KIF3A: variants seen among roughly 807,000 people sequenced by gnomAD.
The protein encoded by KIF3A is kinesin family member 3A, also known as kinesin-like protein KIF3A.
Under a neutral mutation model 92.6 loss-of-function variants are expected in KIF3A, and 27 were observed. The observed-to-expected ratio is 0.29, with a 90% CI of 0.21 to 0.40. The LOEUF is 0.40. KIF3A is among the 10% of genes least tolerant of loss of function. KIF3A has a pLI of 1.00. For missense variants in KIF3A, 581 were observed against 872.6 expected (o/e 0.67, Z 4.21); for synonymous variants, 250 against 275.4 (o/e 0.91, Z 0.92).
chr5:132,695,506 G>A lies in KIF3A; in HGVS notation c.*1128C>T, dbSNP rs188906842. ...ATAACTTTAAAAAAATACAATAAAAGTTTCATAAGCAGCTAACAACAGAAA... is the reference window on the plus strand; with the variant it reads ...ATAACTTTAAAAAAATACAATAAAAATTTCATAAGCAGCTAACAACAGAAA... On this transcript the variant is annotated 3_prime_UTR_variant, in exon 19 of 19. Transcript: ENST00000403231. 3 of 152,190 alleles carry A rather than the reference G, an allele frequency of 2.0e-5. No individual in the cohort carries two copies. The highest frequency in any genetic ancestry group is 4.4e-5 in the Non-Finnish European group (3 of 67,988). The allele number at this position is 152,190 out of a possible 1,614,324, so 9.4% of individuals were successfully genotyped here. A position where few individuals can be genotyped will look rare whatever the true frequency, so the allele number is the denominator to read the frequency against.
In KIF3A at chr5:132,713,884, ACTTT is replaced by A. The variant is rs1251414023; in HGVS notation, c.1129+1869_1129+1872del. On this transcript the variant is annotated intron_variant, in intron 8 of 18. Coordinates refer to ENST00000403231, the MANE Select transcript of KIF3A (RefSeq NM_001300791.2). The stretch of plus-strand genomic sequence containing the variant: ...CACAAAAAGACAAATGCTGTATTTC[ACTTT>A]CTTTTTTTTTTTTTTTTTTTTTTTT... 5.7e-4 allele frequency among the ~76,000 whole-genome samples: 80 copies of A among 139,906 alleles called. 1 individual carries two copies. The East Asian group carries it at 0.016, about 28-fold the overall frequency. The allele number at this position is 139,906 out of a possible 152,430, so 91.8% of individuals were successfully genotyped here.
chr5:132,723,047 G>A (rs920042412), intron 4 of KIF3A: 1 of 152,140 alleles, frequency 6.6e-6, no homozygotes, highest in Non-Finnish European at 1.5e-5. Flanking sequence ...TGTCACATAT[G>A]AGTTTTATTT....
Position 132,700,635 on chromosome 5 carries a change from G to T in KIF3A, c.1938+12C>A. The stretch of plus-strand genomic sequence containing the variant: ...TTTAATTATTACGTGAAAGAATGAA[G>T]GTAATACTCACTAGCTGCCATTCTC... On this transcript the variant is annotated intron_variant, in intron 16 of 18. Transcript: ENST00000403231. 6.5e-7 allele frequency: 1 copy of T among 1,532,864 alleles called. No individual in the cohort carries two copies. The highest frequency in any genetic ancestry group is 9.0e-7 in the Non-Finnish European group (1 of 1,106,728). 95.0% of individuals were successfully genotyped at this position (1,532,864 alleles called of 1,614,324 possible).
intron 4 of KIF3A, among the ~76,000 whole-genome samples, chr5:132,724,066 T>C (rs1182603998): frequency 6.6e-6 from 1 of 152,092 alleles, no homozygotes; most frequent in Non-Finnish European, 1.5e-5. Flanking sequence ...TCATCACTGG[T>C]CATCAGAGAA....
chr5:132,737,317 C>G, intron 1 of KIF3A, 97 bp downstream of exon 1: 1 of 1,394,282 alleles, frequency 7.2e-7, no homozygotes. Flanking sequence ...CCCACCCAGG[C>G]CGCCTGCCGG....
chr5:132,722,305 T>C (rs1041686397), intron 4 of KIF3A, among the ~76,000 whole-genome samples: 112 of 152,294 alleles, frequency 7.4e-4, no homozygotes, highest in African/African-American at 2.6e-3. Flanking sequence ...AAAAACTGGA[T>C]GGAAATGCTA....
chr5:132,721,331 A>G (rs553067470), intron 4 of KIF3A: 3 of 152,300 alleles, frequency 2.0e-5, no homozygotes, highest in African/African-American at 4.8e-5. Flanking sequence ...AGAAATTTTA[A>G]CCAAATTTGA....
chr5:132,703,346 G>C (rs1208135688), intron 12 of KIF3A, 117 bp downstream of exon 12: 7 of 842,794 alleles, frequency 8.3e-6, no homozygotes, highest in South Asian at 3.7e-5. Context: ...ATCCAAAATA[G>C]CTACACTGGA....
intron 2 of KIF3A, among the ~76,000 whole-genome samples, chr5:132,728,057 A>C (rs1754097346): frequency 1.3e-5 from 2 of 152,350 alleles, no homozygotes; most frequent in South Asian, 4.1e-4. Flanking sequence ...TTAGGAATAT[A>C]ACACTGCACT....
intron 2 of KIF3A, among the ~76,000 whole-genome samples, chr5:132,729,349 G>A (rs1219151652): frequency 6.6e-6 from 1 of 152,146 alleles, no homozygotes; most frequent in East Asian, 1.9e-4. Flanking sequence ...CTACTGGGAA[G>A]GCTGAAGCGA....
At chr5:132,732,407 C>G (rs992839036) in intron 2 of KIF3A, among the ~76,000 whole-genome samples, 9 of 152,144 alleles carry the variant, frequency 5.9e-5, no homozygotes, top group Non-Finnish European at 2.9e-5. Context: ...AAAGTAGAAA[C>G]AACAAATGTT....
Position 132,702,941 on chromosome 5 carries a change from G to A in KIF3A, c.1591C>T (p.Leu531=). The change falls in exon 13 of 19, where the codon CTG becomes TTG. Residue 531 remains leucine (L), a synonymous_variant. Coordinates refer to ENST00000403231, the MANE Select transcript of KIF3A (RefSeq NM_001300791.2). Reference sequence around the variant, plus strand: ...TCTGCTCTTTTCCTCCTTTCTTCCAGTTCCATGTTAGATTCTTCAAGAAGT... The same window carrying A: ...TCTGCTCTTTTCCTCCTTTCTTCCAATTCCATGTTAGATTCTTCAAGAAGT... ...EKLLEESNME[L]EERRKRAEQL... The A allele has an allele frequency of 6.2e-7, 1 of 1,613,502 alleles. No individual in the cohort carries two copies. The highest frequency in any genetic ancestry group is 8.5e-7 in the Non-Finnish European group (1 of 1,179,758).
chr5:132,736,808 G>C, intron 1 of KIF3A: 1 of 458,020 alleles, frequency 2.2e-6, no homozygotes, highest in South Asian at 1.6e-5. Flanking sequence ...CCCCTAATAA[G>C]GGGTCTTAGA....
intron 4 of KIF3A, chr5:132,723,222 G>T (rs1753885935): frequency 6.6e-6 from 1 of 152,118 alleles, no homozygotes; most frequent in Non-Finnish European, 1.5e-5. Context: ...TGGCCATACT[G>T]CCCAAGGTAA....
Position 132,696,477 on chromosome 5 carries a change from T to C in KIF3A, c.*157A>G, listed in dbSNP as rs921847395. On this transcript the variant is annotated 3_prime_UTR_variant, in exon 19 of 19. Transcript: ENST00000403231. ...TAATGTTATATTAATATATGTAGAC[T>C]AAAAGTTCTTAAGCAAATTATTATT... The C allele has an allele frequency of 1.7e-6, 1 of 602,692 alleles. No homozygotes were observed. The highest frequency in any genetic ancestry group is 3.0e-6 in the Non-Finnish European group (1 of 330,260). The allele number at this position is 602,692 out of a possible 1,614,324, so 37.3% of individuals were successfully genotyped here.
In KIF3A at chr5:132,737,359, C is replaced by CG. The variant is rs1458979084; in HGVS notation, c.6+54dup. On this transcript the variant is annotated intron_variant, in intron 1 of 18. Coordinates refer to ENST00000403231, the MANE Select transcript of KIF3A (RefSeq NM_001300791.2). ...GCCTCCATGGCAACGGCCGCGCCCC[C>CG]GGGCCAGGCCGCTAGGATGAGAAGA... is the stretch of plus-strand genomic sequence containing the variant. 62 of 1,570,994 alleles carry CG rather than the reference C, an allele frequency of 3.9e-5. No homozygotes were observed. The Middle Eastern group carries it at 1.0e-3, about 26-fold the overall frequency.
At chr5:132,724,371 T>C (rs1435135027) in intron 4 of KIF3A, among the ~76,000 whole-genome samples, 4 of 152,240 alleles carry the variant, frequency 2.6e-5, no homozygotes, top group South Asian at 4.2e-4. Flanking sequence ...CTACTCACAA[T>C]AGCAAAGACT....
chr5:132,700,243 G>T lies in KIF3A; in HGVS notation c.1980C>A (p.Thr660=). The part of the protein sequence containing the change: ...AYTGNNMRKQ[T]PVPDKKEKDP... ...CTTTCTCCTTTTTATCAGGTACTGG[G>T]GTTTGCTTCCTCATGTTATTTCCTG... is the stretch of plus-strand genomic sequence containing the variant. Residue 660 remains threonine, a synonymous_variant, in exon 17 of 19, where the codon ACC becomes ACA. Coordinates refer to ENST00000403231, the MANE Select transcript of KIF3A (RefSeq NM_001300791.2). 1 of 1,597,474 alleles carries T rather than the reference G, an allele frequency of 6.3e-7. No individual in the cohort carries two copies.
At chr5:132,729,811 T>C (rs1754163155) in intron 2 of KIF3A, among the ~76,000 whole-genome samples, 1 of 151,892 alleles carries the variant, frequency 6.6e-6, no homozygotes, top group South Asian at 2.1e-4. Flanking sequence ...TCTCAAACCA[T>C]GGCCTCAGCT....
Sources: allele counts gnomAD v4.1 joint callset (sites outside exome capture counted in the v4.1 genomes callset), GRCh38; gene constraint gnomAD v4.1.1; transcripts MANE v1.5; gene names NCBI Gene and HGNC (gene_info 2026-07-23, HGNC 2026-07-21).